NOTCH1: variants seen among roughly 807,000 people sequenced by gnomAD.
The protein encoded by NOTCH1 is neurogenic locus notch homolog protein 1.
NOTCH1 carries 37 observed loss-of-function variants against 254.8 expected under a neutral mutation model. The observed-to-expected ratio is 0.15, with a 90% confidence interval of 0.11 to 0.19. The LOEUF (loss-of-function observed/expected upper bound fraction) is 0.19. Ranked by LOEUF, NOTCH1 falls within the 10% of genes least tolerant of loss-of-function variation. The pLI, the probability that NOTCH1 is intolerant of heterozygous loss-of-function variation, is 1.00. For synonymous variants in NOTCH1, 1,731 were observed against 1,618.1 expected (o/e 1.07, Z -1.68); for missense variants, 2,972 against 3,708.6 (o/e 0.80, Z 5.16).
In NOTCH1 at chr9:136,506,128, ACT is replaced by A. The variant is rs1423619693; in HGVS notation, c.4015-249_4015-248del. Among the ~76,000 whole-genome samples the A allele has an allele frequency of 6.6e-6, 1 of 151,724 alleles. No homozygotes were observed. Among genetic ancestry groups the A allele is most frequent in the Non-Finnish European group, 1.5e-5 (1 of 67,916 alleles). ...GAGTGCTGAGGACTTTAGGGCAGGGACTCTCTGCCGTGATCCTGCGAGGGTGG... is the reference window on the plus strand; with the variant it reads ...GAGTGCTGAGGACTTTAGGGCAGGGACTCTGCCGTGATCCTGCGAGGGTGG... On this transcript the variant is annotated intron_variant, in intron 24 of 33. Coordinates refer to ENST00000651671, the MANE Select transcript of NOTCH1 (RefSeq NM_017617.5). The surrounding 1 kb of genome is among the most constrained non-coding windows in gnomAD (Gnocchi z 4.5).
intron 2 of NOTCH1, among the ~76,000 whole-genome samples, chr9:136,527,617 G>C (rs1843485477): frequency 6.6e-6 from 1 of 152,194 alleles, no homozygotes. Context: ...GGACGAGAGA[G>C]CTGCCCTGTC....
chr9:136,540,305 C>T lies in NOTCH1; in HGVS notation c.140+3719G>A, dbSNP rs1426382464. Among the ~76,000 whole-genome samples, 3 of 152,188 alleles carry T rather than the reference C, an allele frequency of 2.0e-5. No homozygotes were observed. The highest frequency in any genetic ancestry group is 4.4e-5 in the Non-Finnish European group (3 of 68,036). On this transcript the variant is annotated intron_variant, in intron 2 of 33. Coordinates refer to ENST00000651671, the MANE Select transcript of NOTCH1 (RefSeq NM_017617.5). This position sits in a 1 kb window ranked among gnomAD's most constrained non-coding sequence, Gnocchi z 4.4. ...GGAGCAGAACGCAGCACACAGCAGG[C>T]GCTCAAACGTGTCTGTGAACTGGAG...
intron 28 of NOTCH1, 46 bp from the exon 29 acceptor site, chr9:136,502,134 G>A (rs2133330371): frequency 1.9e-6 from 3 of 1,608,884 alleles, no homozygotes; most frequent in Non-Finnish European, 2.5e-6. Flanking sequence ...AGCTCCCTAG[G>A]AAGCCCCCAG....
Position 136,499,955 on chromosome 9 carries a change from C to T in NOTCH1, c.5934+597G>A, listed in dbSNP as rs182513376. 1.9e-3 allele frequency among the ~76,000 whole-genome samples: 287 copies of T among 152,342 alleles called. 1 individual carries two copies. Among genetic ancestry groups the T allele is most frequent in the African/African-American group, 6.4e-3 (265 of 41,570 alleles). On this transcript the variant is annotated intron_variant, in intron 31 of 33. Coordinates refer to ENST00000651671, the MANE Select transcript of NOTCH1 (RefSeq NM_017617.5). ...AATGAGAAGCTCTGTGGTAACTCCC[C>T]GGGCTGTGCCCATCTGAACCTGCTT...
intron 22 of NOTCH1, 115 bp from the exon 23 acceptor site, chr9:136,507,088 G>C: frequency 6.6e-7 from 1 of 1,504,388 alleles, no homozygotes; most frequent in Non-Finnish European, 9.0e-7. Flanking sequence ...ACACTCGGGA[G>C]AGGCAGGTGT....
rs2133328453 is a variant in NOTCH1, at chr9:136,501,750, G to A, written c.5636C>T (p.Pro1879Leu). The change falls in exon 30 of 34, where the codon CCT becomes CTT. Residue 1879 changes from proline (P) to leucine (L), a missense_variant and splice_region_variant. By Grantham distance (98) the Pro-to-Leu change is moderately conservative (BLOSUM62 -3). Transcript: ENST00000651671. ...ADCMDVNVRGPDGFTPLMIAS... is the reference protein window; with the variant it reads ...ADCMDVNVRGLDGFTPLMIAS... ...GCCCTGGCTGCTGGCACCCTTACCA[G>A]GCCCGCGGACATTGACGTCCATGCA... The A allele has an allele frequency of 6.2e-7, 1 of 1,611,366 alleles. No homozygotes were observed. The highest frequency in any genetic ancestry group is 8.5e-7 in the Non-Finnish European group (1 of 1,179,872).
Position 136,513,179 on chromosome 9 carries a change from C to T in NOTCH1, c.2354-45G>A. On this transcript the variant is annotated intron_variant, in intron 14 of 33. Coordinates refer to ENST00000651671, the MANE Select transcript of NOTCH1 (RefSeq NM_017617.5). This position sits in a 1 kb window ranked among gnomAD's most constrained non-coding sequence, Gnocchi z 4.7. ...ACTCGGCATGTCCAGCACTCCCAGGCACCTTGGCAGGGCCCCACAACAGCA... is the reference window on the plus strand; with the variant it reads ...ACTCGGCATGTCCAGCACTCCCAGGTACCTTGGCAGGGCCCCACAACAGCA... 1.3e-6 allele frequency: 2 copies of T among 1,548,020 alleles called. No individual in the cohort carries two copies. The highest frequency in any genetic ancestry group is 1.8e-6 in the Non-Finnish European group (2 of 1,121,380).
chr9:136,538,398 G>C (rs1462646706), intron 2 of NOTCH1, among the ~76,000 whole-genome samples: 1 of 152,188 alleles, frequency 6.6e-6, no homozygotes. Context: ...AGTTGGAAGG[G>C]GAATCACATA....
chr9:136,518,143 A>G lies in NOTCH1; in HGVS notation c.1249T>C (p.Ser417Pro). Residue 417 changes from serine to proline, a missense_variant, in exon 7 of 34, where the codon TCG (serine) becomes CCG (proline). By Grantham distance (74) the Ser-to-Pro change is moderately conservative. Around this residue, in one of 8 missense-constraint regions of NOTCH1, gnomAD observed 90 missense variants for 183.6 expected, o/e 0.49. Transcript: ENST00000651671. ...CCCCTGTGCTGGCACCTACCCAGCGAGCACTCATCCACGTCCTGGCTGCAG... is the reference window on the plus strand; with the variant it reads ...CCCCTGTGCTGGCACCTACCCAGCGGGCACTCATCCACGTCCTGGCTGCAG... ...PACSQDVDEC[S>P]LGANPCEHAG... 1 of 1,588,522 alleles carries G rather than the reference A, an allele frequency of 6.3e-7. No individual in the cohort carries two copies. The highest frequency in any genetic ancestry group is 8.6e-7 in the Non-Finnish European group (1 of 1,168,254).
intron 16 of NOTCH1, 21 bp downstream of exon 16, chr9:136,511,131 C>T (rs2133354303): frequency 6.2e-7 from 1 of 1,612,924 alleles, no homozygotes; most frequent in Non-Finnish European, 8.5e-7. Context: ...CCAGCCCTCA[C>T]CGGGCCCTGG....
In NOTCH1 at chr9:136,519,478, T is replaced by C; in HGVS notation, c.830A>G (p.Asn277Ser). The C allele has an allele frequency of 1.2e-6, 2 of 1,612,930 alleles. No individual in the cohort carries two copies. The highest frequency in any genetic ancestry group is 1.7e-6 in the Non-Finnish European group (2 of 1,179,930). Residue 277 changes from asparagine to serine, a missense_variant, in exon 5 of 34, where the codon AAC (asparagine) becomes AGC (serine). Around this residue, in one of 8 missense-constraint regions of NOTCH1, gnomAD observed 374 missense variants for 496.3 expected, o/e 0.75. Coordinates refer to ENST00000651671, the MANE Select transcript of NOTCH1 (RefSeq NM_017617.5). ...KNGGACVDGVNTYNCRCPPEW... is the reference protein window; with the variant it reads ...KNGGACVDGVSTYNCRCPPEW... ...TGGCGGGCAGCGGCAGTTGTAGGTG[T>C]TCACGCCGTCCACACAGGCACCCCC...
rs755124691 is a variant in NOTCH1 at position 136,504,898 on chromosome 9, C to A, written c.4793G>T (p.Arg1598Leu). The change falls in exon 26 of 34, where the codon CGC (arginine) becomes CTC (leucine). Residue 1598 changes from arginine to leucine, a missense_variant. Around this residue, in one of 8 missense-constraint regions of NOTCH1, gnomAD observed 1,343 missense variants for 1,557.0 expected, o/e 0.86. Transcript: ENST00000651671. The stretch of plus-strand genomic sequence containing the variant: ...GAAGACCACGTTGGTGTGCAGCACG[C>A]GGCTGAGCTCCCGCAGGAAGTGGAA... ...SSFHFLRELS[R>L]VLHTNVVFKR... The A allele has an allele frequency of 6.3e-7, 1 of 1,584,902 alleles. No individual in the cohort carries two copies.
At chr9:136,526,969 T>A (rs1285789357) in intron 2 of NOTCH1, among the ~76,000 whole-genome samples, 1 of 152,088 alleles carries the variant, frequency 6.6e-6, no homozygotes, top group East Asian at 1.9e-4. Context: ...AGCCTGGGCA[T>A]CGGACACCAC....
At position 136,513,685 on chromosome 9, in the gene NOTCH1, G is replaced by C; in HGVS notation, c.2208-148C>G. 1 of 858,600 alleles carries C rather than the reference G, an allele frequency of 1.2e-6. No individual in the cohort carries two copies. Among genetic ancestry groups the C allele is most frequent in the Non-Finnish European group, 1.8e-6 (1 of 544,126 alleles). The allele number at this position is 858,600 out of a possible 1,614,324, so 53.2% of individuals were successfully genotyped here. On this transcript the variant is annotated intron_variant, in intron 13 of 33. Coordinates refer to ENST00000651671, the MANE Select transcript of NOTCH1 (RefSeq NM_017617.5). This position sits in a 1 kb window ranked among gnomAD's most constrained non-coding sequence, Gnocchi z 4.7. ...GTCCTTTAGTGGGGGCAGGCTGGGC[G>C]CTGTGGCTCACACCTGTAATCCCAG... is the stretch of plus-strand genomic sequence containing the variant.
chr9:136,506,836 C>A lies in NOTCH1; in HGVS notation c.3781G>T (p.Gly1261Cys). Residue 1261 changes from glycine (G) to cysteine (C), a missense_variant, in exon 23 of 34, where the codon GGT becomes TGT. By Grantham distance (159) the Gly-to-Cys change is radical. Transcript: ENST00000651671. This position sits in a 1 kb window ranked among gnomAD's most constrained non-coding sequence, Gnocchi z 4.5. ...TTGACATCCCCCTCACAGCGCTCAC[C>A]CACGAAGCCCGGCGGGCAGGTGCAG... Reference protein sequence around the residue: ...YSCTCPPGFVGERCEGDVNEC... With the variant: ...YSCTCPPGFVCERCEGDVNEC... The A allele has an allele frequency of 1.2e-6, 2 of 1,612,242 alleles. No individual in the cohort carries two copies. The highest frequency in any genetic ancestry group is 1.7e-6 in the Non-Finnish European group (2 of 1,179,664).
In NOTCH1 at chr9:136,545,958, G is replaced by T. The variant is rs1453138708; in HGVS notation, c.-172C>A. ...CTCGCAGGCCCCCGGGCCCGGCTCC[G>T]CGCCCGGCTCGTTCCTTCGCTGCGC... On this transcript the variant is annotated 5_prime_UTR_variant, in exon 1 of 34. Coordinates refer to ENST00000651671, the MANE Select transcript of NOTCH1 (RefSeq NM_017617.5). This position sits in a 1 kb window ranked among gnomAD's most constrained non-coding sequence, Gnocchi z 6.8. Among the ~76,000 whole-genome samples the T allele has an allele frequency of 6.8e-6, 1 of 147,366 alleles. No individual in the cohort carries two copies. The highest frequency in any genetic ancestry group is 2.5e-5 in the African/African-American group (1 of 40,478).
intron 2 of NOTCH1, among the ~76,000 whole-genome samples, chr9:136,533,837 G>T (rs1843600365): frequency 6.6e-6 from 1 of 152,260 alleles, no homozygotes; most frequent in Non-Finnish European, 1.5e-5. Context: ...CTTGGGCTGT[G>T]GGGGAGCCTG....
At position 136,499,661 on chromosome 9, in the gene NOTCH1, G is replaced by A. The variant is rs564200230; in HGVS notation, c.5935-402C>T. On this transcript the variant is annotated intron_variant, in intron 31 of 33. Transcript: ENST00000651671. ...TCTCAGAACCGCCGAGCTAGTGTCC[G>A]GCTCTGCCCAGAGAGGGGGTGGGCA... Among the ~76,000 whole-genome samples, 93 of 135,228 alleles carry A rather than the reference G, an allele frequency of 6.9e-4. 1 individual carries two copies. The South Asian group carries it at 0.021, about 31-fold the overall frequency. The allele number at this position is 135,228 out of a possible 152,430, so 88.7% of individuals were successfully genotyped here. A position where few individuals can be genotyped will look rare whatever the true frequency, so the allele number is the denominator to read the frequency against.
In NOTCH1 at chr9:136,507,052, G is replaced by A. The variant is rs3124596; in HGVS notation, c.3644-79C>T. 816,374 of 1,555,742 alleles carry A rather than the reference G, an allele frequency of 0.52. 219,805 individuals are homozygous for A. The highest frequency in any genetic ancestry group is 0.84 in the East Asian group (34,969 of 41,500). ...GTGCCGCGTGTCCGTCCCGGAAGAC[G>A]AGCGCTCAGGTCTGGGGCTGCACGG... On this transcript the variant is annotated intron_variant, in intron 22 of 33. Transcript: ENST00000651671.
Sources: allele counts gnomAD v4.1 joint callset (sites outside exome capture counted in the v4.1 genomes callset), GRCh38; gene constraint gnomAD v4.1.1; regional missense constraint gnomAD v4.1.1; non-coding constraint Gnocchi (gnomAD v3.1); transcripts MANE v1.5; gene names NCBI Gene and HGNC (gene_info 2026-07-23, HGNC 2026-07-21).